DSCAM: variants seen among roughly 807,000 people sequenced by gnomAD.
The protein encoded by DSCAM is DS cell adhesion molecule, also known as cell adhesion molecule DSCAM.
A neutral mutation model predicts 217.7 loss-of-function variants in DSCAM; 47 were observed. That is an observed-to-expected ratio of 0.22 (90% confidence interval 0.17 to 0.28). The LOEUF (loss-of-function observed/expected upper bound fraction) is 0.28. DSCAM is among the 10% of genes least tolerant of loss of function. The pLI is 1.00. For missense variants in DSCAM, 2,080 were observed against 2,618.3 expected, an observed-to-expected ratio of 0.79 and a Z score of 4.49; for synonymous variants, 1,056 against 1,015.3, an observed-to-expected ratio of 1.04 and a Z score of -0.76.
At chr21:40,315,377 A>C (rs954640350) in intron 8 of DSCAM, among the ~76,000 whole-genome samples, 2 of 151,554 alleles carry the variant, frequency 1.3e-5, no homozygotes, top group Non-Finnish European at 2.9e-5. Context: ...GCACTCCAGC[A>C]TGGGAGACAG....
chr21:40,344,165 C>T (rs1224535697), intron 6 of DSCAM, among the ~76,000 whole-genome samples: 8 of 152,124 alleles, frequency 5.3e-5, no homozygotes, highest in Non-Finnish European at 1.2e-4. Flanking sequence ...TCCTAAAATG[C>T]TGGGATTACA....
intron 3 of DSCAM, among the ~76,000 whole-genome samples, chr21:40,412,232 C>A (rs755722439): frequency 6.6e-6 from 1 of 152,020 alleles, no homozygotes; most frequent in African/African-American, 2.4e-5. Context: ...GGACGAATAC[C>A]GTAAATTGGT....
intron 3 of DSCAM, among the ~76,000 whole-genome samples, chr21:40,579,192 C>G (rs1253226492): frequency 6.6e-6 from 1 of 151,792 alleles, no homozygotes; most frequent in Non-Finnish European, 1.5e-5. Flanking sequence ...TTTTTTGGAT[C>G]ATCTGAAAGC....
intron 3 of DSCAM, among the ~76,000 whole-genome samples, chr21:40,394,181 C>G (rs1431134283): frequency 1.3e-5 from 2 of 152,138 alleles, no homozygotes; most frequent in African/African-American, 4.8e-5. Context: ...ATCTACTTCA[C>G]CTAGAATATG....
intron 17 of DSCAM, among the ~76,000 whole-genome samples, chr21:40,143,587 C>G (rs1029273018): frequency 3.3e-5 from 5 of 152,104 alleles, no homozygotes; most frequent in Non-Finnish European, 5.9e-5. Flanking sequence ...GTCAGGAGAT[C>G]GAGACCATCC....
chr21:40,068,923 TAAA>T lies in DSCAM; in HGVS notation c.4889-6027_4889-6025del, dbSNP rs1263553024. On this transcript the variant is annotated intron_variant, in intron 27 of 32. Coordinates refer to ENST00000400454, the MANE Select transcript of DSCAM (RefSeq NM_001389.5). ...CAACTTGGAGAAACCCCGTCTCTAC[TAAA>T]AATACAAAATTAGCCGGGCATGGTG... Among the ~76,000 whole-genome samples, 3 of 151,792 alleles carry T rather than the reference TAAA, an allele frequency of 2.0e-5. No individual in the cohort carries two copies. The East Asian group carries it at 5.8e-4, about 29-fold the overall frequency.
At chr21:40,039,321 G>C (rs947289507) in intron 32 of DSCAM, among the ~76,000 whole-genome samples, 1 of 150,350 alleles carries the variant, frequency 6.7e-6, no homozygotes, top group African/African-American at 2.4e-5. Flanking sequence ...AAAAAAAAAA[G>C]AATGGAAAAT....
rs117933748 is a variant in DSCAM, at chr21:40,666,386, C to T, written c.508+26424G>A. 8.6e-3 allele frequency among the ~76,000 whole-genome samples: 1,310 copies of T among 152,244 alleles called. 8 individuals carry two copies. Among genetic ancestry groups the T allele is most frequent in the Non-Finnish European group, 0.013 (906 of 68,010 alleles). On this transcript the variant is annotated intron_variant, in intron 3 of 32. Coordinates refer to ENST00000400454, the MANE Select transcript of DSCAM (RefSeq NM_001389.5). Reference sequence around the variant, plus strand: ...AGGAGAAAACCGCGGAACAGAAGGGCTAAATAACTTACCCAGGATCACATA... The same window carrying T: ...AGGAGAAAACCGCGGAACAGAAGGGTTAAATAACTTACCCAGGATCACATA...
At chr21:40,443,545 G>A (rs1252796699) in intron 3 of DSCAM, among the ~76,000 whole-genome samples, 1 of 152,080 alleles carries the variant, frequency 6.6e-6, no homozygotes, top group Non-Finnish European at 1.5e-5. Context: ...TCATGACTAG[G>A]TTATTTCATG....
Position 40,294,915 on chromosome 21 carries a change from G to A in DSCAM, c.2182+1140C>T, listed in dbSNP as rs372201685. On this transcript the variant is annotated intron_variant, in intron 10 of 32. Transcript: ENST00000400454. ...GTGTGTGACAGGGGAGTTGCTTCAG[G>A]GACTTTTAAAAATTTAGCTATTTTC... Among the ~76,000 whole-genome samples the A allele has an allele frequency of 7.9e-5, 12 of 152,106 alleles. 1 individual carries two copies. The East Asian group carries it at 1.9e-3, about 25-fold the overall frequency.
At chr21:40,585,406 C>T (rs1389799606) in intron 3 of DSCAM, among the ~76,000 whole-genome samples, 8 of 40,696 alleles carry the variant, frequency 2.0e-4, no homozygotes, top group African/African-American at 5.5e-4. Context: ...GGCGACAGAG[C>T]AAGACTCCGT....
rs375831249 is a variant in DSCAM at position 40,190,438 on chromosome 21, C to A, written c.2357-1200G>T. On this transcript the variant is annotated intron_variant, in intron 11 of 32. Coordinates refer to ENST00000400454, the MANE Select transcript of DSCAM (RefSeq NM_001389.5). ...GAGAGGCATGACATTAAATATGAGACCTCCAAAGCCAGGCTCCTCAAAGGG... is the reference window on the plus strand; with the variant it reads ...GAGAGGCATGACATTAAATATGAGAACTCCAAAGCCAGGCTCCTCAAAGGG... Among the ~76,000 whole-genome samples the A allele has an allele frequency of 3.9e-5, 6 of 152,186 alleles. No individual in the cohort carries two copies. In the East Asian group the frequency reaches 1.2e-3, roughly 29 times the overall value.
intron 16 of DSCAM, among the ~76,000 whole-genome samples, chr21:40,151,595 G>A (rs73225246): frequency 0.044 from 6,741 of 152,304 alleles, 201 homozygotes; most frequent in African/African-American, 0.077. Flanking sequence ...AAAAAAAGAG[G>A]TGGGTAAGAA....
intron 3 of DSCAM, among the ~76,000 whole-genome samples, chr21:40,489,216 G>A (rs1445552726): frequency 6.6e-6 from 1 of 152,166 alleles, no homozygotes; most frequent in African/African-American, 2.4e-5. Flanking sequence ...AAAGCAGACT[G>A]CCCTCCCTAA....
intron 3 of DSCAM, among the ~76,000 whole-genome samples, chr21:40,541,996 G>A (rs1211727206): frequency 6.6e-6 from 1 of 152,112 alleles, no homozygotes; most frequent in East Asian, 1.9e-4. Flanking sequence ...TGAAAGCAAA[G>A]AAAGAACCAA....
intron 32 of DSCAM, among the ~76,000 whole-genome samples, chr21:40,039,079 A>C (rs1335070335): frequency 6.6e-6 from 1 of 151,834 alleles, no homozygotes; most frequent in Non-Finnish European, 1.5e-5. Context: ...ATGACCAGTT[A>C]GTGGGTGCAG....
At chr21:40,426,613 G>C (rs535915096) in intron 3 of DSCAM, among the ~76,000 whole-genome samples, 2 of 152,314 alleles carry the variant, frequency 1.3e-5, no homozygotes, top group Non-Finnish European at 1.5e-5. Flanking sequence ...TGTCATAAAA[G>C]ATAAGTGTTC....
chr21:40,771,141 T>G (rs2091440706), intron 1 of DSCAM, among the ~76,000 whole-genome samples: 1 of 152,164 alleles, frequency 6.6e-6, no homozygotes, highest in South Asian at 2.1e-4. Flanking sequence ...GCTGTAGGCT[T>G]CACGCAGTGG....
chr21:40,475,449 G>A (rs1244314893), intron 3 of DSCAM, among the ~76,000 whole-genome samples: 1 of 152,210 alleles, frequency 6.6e-6, no homozygotes, highest in Non-Finnish European at 1.5e-5. Flanking sequence ...AGAGTCAGGG[G>A]CTCTTTGTGT....
Sources: allele counts gnomAD v4.1 joint callset (sites outside exome capture counted in the v4.1 genomes callset), GRCh38; gene constraint gnomAD v4.1.1; transcripts MANE v1.5; gene names NCBI Gene and HGNC (gene_info 2026-07-23, HGNC 2026-07-21).